Variants in EXOSC10 observed in about 807,000 individuals in gnomAD.
The protein encoded by EXOSC10 is exosome complex component 10.
EXOSC10 carries 94 observed loss-of-function variants against 126.6 expected under a neutral mutation model. That is an observed-to-expected ratio of 0.74 (90% CI 0.63 to 0.88). The LOEUF is 0.88. EXOSC10 is among the 40% of genes least tolerant of loss of function. The pLI is 0.00. For synonymous variants in EXOSC10, 395 were observed against 400.8 expected, an observed-to-expected ratio of 0.99 and a Z score of 0.17; for missense variants, 1,041 against 1,100.5, an observed-to-expected ratio of 0.95 and a Z score of 0.77.
chr1:11,072,518 T>C (rs1639567261), intron 19 of EXOSC10: 1 of 195,672 alleles, frequency 5.1e-6, no homozygotes, highest in Non-Finnish European at 1.1e-5. Flanking sequence ...GGTCAGTAAA[T>C]GACAGAAGCA....
chr1:11,099,221 G>A (rs779661614), intron 1 of EXOSC10, among the ~76,000 whole-genome samples: 2 of 152,218 alleles, frequency 1.3e-5, no homozygotes, highest in African/African-American at 2.4e-5. Context: ...TACCTTCCAG[G>A]AGTTACTAAT....
rs1006549448 is a variant in EXOSC10, at chr1:11,083,340, T to C, written c.1090-462A>G. Among the ~76,000 whole-genome samples, 8 of 152,018 alleles carry C rather than the reference T, an allele frequency of 5.3e-5. No individual in the cohort carries two copies. The South Asian group carries it at 6.2e-4, about 12-fold the overall frequency. On this transcript the variant is annotated intron_variant, in intron 9 of 24. Transcript: ENST00000376936. The stretch of plus-strand genomic sequence containing the variant: ...AGCACTTTGGGCCAAGGTGGGTGGA[T>C]TGCTTGAGGTCAGGAGTTTGAGACC...
intron 7 of EXOSC10, 39 bp from the exon 8 acceptor site, chr1:11,087,949 G>A: frequency 1.5e-6 from 2 of 1,359,928 alleles, no homozygotes; most frequent in Non-Finnish European, 2.1e-6. Flanking sequence ...GAGGAATATA[G>A]AAATCATCCC....
intron 24 of EXOSC10, among the ~76,000 whole-genome samples, chr1:11,067,719 A>G (rs866720488): frequency 1.3e-5 from 2 of 152,098 alleles, no homozygotes; most frequent in South Asian, 2.1e-4. Flanking sequence ...ATTTACACCT[A>G]TTTTCCCTGA....
In EXOSC10 at chr1:11,073,813, G is replaced by A. The variant is rs1639651850; in HGVS notation, c.2157+121C>T. 7.0e-6 allele frequency: 5 copies of A among 710,002 alleles called. No individual in the cohort carries two copies. The Admixed American group carries it at 1.1e-4, about 16-fold the overall frequency. The allele number at this position is 710,002 out of a possible 1,614,324, so 44.0% of individuals were successfully genotyped here. On this transcript the variant is annotated intron_variant, in intron 19 of 24. Transcript: ENST00000376936. ...GAACTGCTTGAACCTGGGAGGTGGA[G>A]GTTGCAGTGAGTCAAGATTGTGCCT...
intron 14 of EXOSC10, 97 bp downstream of exon 14, chr1:11,079,614 G>A (rs1489433589): frequency 3.9e-6 from 4 of 1,013,486 alleles, no homozygotes; most frequent in African/African-American, 1.6e-5. Flanking sequence ...GGCTGGTCTC[G>A]AACTCCTGAC....
intron 2 of EXOSC10, among the ~76,000 whole-genome samples, chr1:11,097,498 A>C (rs924579429): frequency 6.6e-6 from 1 of 152,090 alleles, no homozygotes; most frequent in African/African-American, 2.4e-5. Context: ...AGGCCGAGGC[A>C]GGTGGATCAC....
At position 11,095,898 on chromosome 1, in the gene EXOSC10, C is replaced by T. The variant is rs1641057348; in HGVS notation, c.249-17G>A. 1 of 1,608,266 alleles carries T rather than the reference C, an allele frequency of 6.2e-7. No individual in the cohort carries two copies. Among genetic ancestry groups the T allele is most frequent in the African/African-American group, 1.3e-5 (1 of 74,748 alleles). On this transcript the variant is annotated splice_polypyrimidine_tract_variant and intron_variant, in intron 2 of 24. Coordinates refer to ENST00000376936, the MANE Select transcript of EXOSC10 (RefSeq NM_001001998.3). ...CTGCTCATGCTAAGGAAAGGAAAAC[C>T]AAGGTTAGCTTGTAGATTTTTATTT...
intron 13 of EXOSC10, 91 bp from the exon 14 acceptor site, chr1:11,079,913 G>C: frequency 9.5e-7 from 1 of 1,048,178 alleles, no homozygotes; most frequent in East Asian, 2.6e-5. Flanking sequence ...GTAAAGCCAG[G>C]CTGCCACCTA....
chr1:11,091,696 T>A (rs1226407261), intron 3 of EXOSC10, 99 bp from the exon 4 acceptor site: 3 of 895,948 alleles, frequency 3.3e-6, no homozygotes, highest in East Asian at 5.3e-5. Flanking sequence ...TATCACTCTG[T>A]CACCCAGGCT....
At position 11,074,157 on chromosome 1, in the gene EXOSC10, C is replaced by T. The variant is rs550627192; in HGVS notation, c.2082+74G>A. 4 of 1,442,816 alleles carry T rather than the reference C, an allele frequency of 2.8e-6. No individual in the cohort carries two copies. In the South Asian group the frequency reaches 3.4e-5, roughly 12 times the overall value. 89.4% of individuals were successfully genotyped at this position (1,442,816 alleles called of 1,614,324 possible). A position where few individuals can be genotyped will look rare whatever the true frequency, so the allele number is the denominator to read the frequency against. ...CCGACACACTGGCTTCAGAGGCTTC[C>T]TTCCCAGGTAAAAGCATGTACAGCT... On this transcript the variant is annotated intron_variant, in intron 18 of 24. Coordinates refer to ENST00000376936, the MANE Select transcript of EXOSC10 (RefSeq NM_001001998.3).
intron 14 of EXOSC10, 84 bp from the exon 15 acceptor site, chr1:11,077,735 C>T: frequency 8.7e-7 from 1 of 1,154,166 alleles, no homozygotes; most frequent in African/African-American, 1.5e-5. Flanking sequence ...GACTGTATTC[C>T]TTCACCAGCC....
At chr1:11,099,644 T>G in intron 1 of EXOSC10, 77 bp downstream of exon 1, 1 of 1,383,402 alleles carries the variant, frequency 7.2e-7, no homozygotes, top group Non-Finnish European at 9.5e-7. Flanking sequence ...CGGGCGGGCA[T>G]TGGCTGCCCA....
At chr1:11,074,178 C>T (rs562460034) in intron 18 of EXOSC10, 53 bp downstream of exon 18, 1 of 1,472,088 alleles carries the variant, frequency 6.8e-7, no homozygotes, top group East Asian at 2.3e-5. Flanking sequence ...AAAGCATGTA[C>T]AGCTGTAGGC....
chr1:11,080,671 G>C, intron 12 of EXOSC10, 93 bp downstream of exon 12: 1 of 1,599,704 alleles, frequency 6.3e-7, no homozygotes. Flanking sequence ...GAAATAACCA[G>C]CTTTCATAGC....
Position 11,066,869 on chromosome 1 carries a change from C to T in EXOSC10, c.2628-121G>A, listed in dbSNP as rs1007404938. The T allele has an allele frequency of 5.8e-6, 7 of 1,201,930 alleles. No homozygotes were observed. In the Admixed American group the frequency reaches 1.1e-4, roughly 19 times the overall value. 74.5% of individuals were successfully genotyped at this position (1,201,930 alleles called of 1,614,324 possible). A position where few individuals can be genotyped will look rare whatever the true frequency, so the allele number is the denominator to read the frequency against. ...AGAGGAAGAATGGTTTGCTCAGGGGCCCCAGAGAACTCGGCGGCCCACCAG... is the reference window on the plus strand; with the variant it reads ...AGAGGAAGAATGGTTTGCTCAGGGGTCCCAGAGAACTCGGCGGCCCACCAG... On this transcript the variant is annotated intron_variant, in intron 24 of 24. Transcript: ENST00000376936.
At chr1:11,096,809 T>C (rs1641124620) in intron 2 of EXOSC10, among the ~76,000 whole-genome samples, 1 of 152,134 alleles carries the variant, frequency 6.6e-6, no homozygotes, top group African/African-American at 2.4e-5. Context: ...CCAATAAAAC[T>C]TGCACCCTAG....
chr1:11,079,424 C>T (rs1206001179), intron 14 of EXOSC10, among the ~76,000 whole-genome samples: 3 of 143,458 alleles, frequency 2.1e-5, no homozygotes, highest in East Asian at 2.1e-4. Context: ...GACGGAGTCT[C>T]GCTCTGCCTC....
chr1:11,099,569 G>T, intron 1 of EXOSC10, 152 bp downstream of exon 1: 1 of 785,174 alleles, frequency 1.3e-6, no homozygotes, highest in Non-Finnish European at 2.0e-6. Context: ...TCCCCGGAGG[G>T]TGCAGGAGAG....
Sources: gnomAD v4.1 joint callset for allele counts (sites outside exome capture counted in the v4.1 genomes callset) on GRCh38, gnomAD v4.1.1 for gene constraint, MANE v1.5 for transcripts, NCBI Gene and HGNC (gene_info 2026-07-23, HGNC 2026-07-21) for gene names.